The following ZNF12 variants were observed in gnomAD, a reference collection of about 807,000 sequenced individuals.
The protein encoded by ZNF12 is gonadotropin inducible transcription repressor 3.
Under a neutral mutation model 66.6 loss-of-function variants are expected in ZNF12, and 34 were observed. The ratio of observed to expected loss-of-function variants is 0.51; its 90% CI spans 0.39 to 0.68. The LOEUF (loss-of-function observed/expected upper bound fraction) is 0.68. Ranked by LOEUF, ZNF12 falls within the 30% of genes least tolerant of loss-of-function variation. The pLI is 0.00. For missense variants in ZNF12, 697 were observed against 826.9 expected (o/e 0.84, Z 1.93); for synonymous variants, 320 against 278.9 (o/e 1.15, Z -1.47).
In ZNF12 at chr7:6,705,483, C is replaced by G. The variant is rs1780339262; in HGVS notation, c.-50-260G>C. On this transcript the variant is annotated intron_variant, in intron 1 of 4. Transcript: ENST00000405858. This position sits in a 1 kb window ranked among gnomAD's most constrained non-coding sequence, Gnocchi z 4.0. ...ACTGGATCCTACTGAAATAATCTGC[C>G]ATCATTAAATGCAAGATTTAAAAAG... Among the ~76,000 whole-genome samples, 1 of 152,192 alleles carries G rather than the reference C, an allele frequency of 6.6e-6. No homozygotes were observed. Among genetic ancestry groups the G allele is most frequent in the South Asian group, 2.1e-4 (1 of 4,828 alleles).
rs1428897606 is a variant in ZNF12 at position 6,698,809 on chromosome 7, T to C, written c.16-998A>G. The stretch of plus-strand genomic sequence containing the variant: ...CATCTATAAATGTGTATCTTTTGAA[T>C]AAAGTGTCCCATTCACAAGTACTCA... On this transcript the variant is annotated intron_variant, in intron 2 of 4. Coordinates refer to ENST00000405858, the MANE Select transcript of ZNF12 (RefSeq NM_016265.4). The surrounding 1 kb of genome is among the most constrained non-coding windows in gnomAD (Gnocchi z 4.4). Among the ~76,000 whole-genome samples, 1 of 152,238 alleles carries C rather than the reference T, an allele frequency of 6.6e-6. No individual in the cohort carries two copies. The highest frequency in any genetic ancestry group is 2.4e-5 in the African/African-American group (1 of 41,470).
intron 2 of ZNF12, among the ~76,000 whole-genome samples, chr7:6,702,194 T>A (rs1240140673): frequency 6.6e-6 from 1 of 151,868 alleles, no homozygotes; most frequent in East Asian, 1.9e-4. Context: ...CTTCAGAAAC[T>A]GCACGCTCCT....
chr7:6,700,304 T>TACACACACACACAC (rs71539972), intron 2 of ZNF12, among the ~76,000 whole-genome samples: 1,650 of 128,834 alleles, frequency 0.013, 12 homozygotes, highest in Middle Eastern at 0.024. Context: ...AAAAAAAATA[T>TACACACACACACAC]ACACACACAC....
Position 6,690,729 on chromosome 7 carries a change from CA to C in ZNF12, c.*118del. 9.6e-7 allele frequency: 1 copy of C among 1,042,060 alleles called. No homozygotes were observed. The highest frequency in any genetic ancestry group is 2.7e-4 in the Middle Eastern group (1 of 3,752). 64.6% of individuals were successfully genotyped at this position (1,042,060 alleles called of 1,614,324 possible). ...GTCTTCAGATTATGAGTCCAACACA[CA>C]AGGGGATGTCCACACTAACCTGTGT... On this transcript the variant is annotated 3_prime_UTR_variant, in exon 5 of 5. Coordinates refer to ENST00000405858, the MANE Select transcript of ZNF12 (RefSeq NM_016265.4).
In ZNF12 at chr7:6,698,248, C is replaced by G. The variant is rs993536643; in HGVS notation, c.16-437G>C. 7.2e-6 allele frequency among the ~76,000 whole-genome samples: 1 copy of G among 138,830 alleles called. No individual in the cohort carries two copies. 91.1% of individuals were successfully genotyped at this position (138,830 alleles called of 152,430 possible). A position where few individuals can be genotyped will look rare whatever the true frequency, so the allele number is the denominator to read the frequency against. On this transcript the variant is annotated intron_variant, in intron 2 of 4. Transcript: ENST00000405858. The surrounding 1 kb of genome is among the most constrained non-coding windows in gnomAD (Gnocchi z 4.4). ...TTCTCAGTCCCTTTGCTGGCTCCTCCTCTACTCCAAGTCATCCTGAATGTT... is the reference window on the plus strand; with the variant it reads ...TTCTCAGTCCCTTTGCTGGCTCCTCGTCTACTCCAAGTCATCCTGAATGTT...
At position 6,697,314 on chromosome 7, in the gene ZNF12, C is replaced by G. The variant is rs1431255418; in HGVS notation, c.238+25G>C. 6.4e-7 allele frequency: 1 copy of G among 1,564,916 alleles called. No homozygotes were observed. Among genetic ancestry groups the G allele is most frequent in the Non-Finnish European group, 8.7e-7 (1 of 1,146,990 alleles). On this transcript the variant is annotated intron_variant, in intron 4 of 4. Transcript: ENST00000405858. The surrounding 1 kb of genome is among the most constrained non-coding windows in gnomAD (Gnocchi z 6.1). ...GGAAAAACACTCCCAAGTTACCGAT[C>G]TCCTCACTGCCTCCACTAACACACC...
chr7:6,689,304 A>G lies in ZNF12; in HGVS notation c.*1544T>C, dbSNP rs946904763. On this transcript the variant is annotated 3_prime_UTR_variant, in exon 5 of 5. Coordinates refer to ENST00000405858, the MANE Select transcript of ZNF12 (RefSeq NM_016265.4). The stretch of plus-strand genomic sequence containing the variant: ...TTAAACTATAATCCATTGCTGAAAG[A>G]TGGTTACCAGGCACCACATCCAGAC... 2.0e-5 allele frequency: 3 copies of G among 152,216 alleles called. No homozygotes were observed. Among genetic ancestry groups the G allele is most frequent in the Non-Finnish European group, 4.4e-5 (3 of 68,040 alleles). The allele number at this position is 152,216 out of a possible 1,614,324, so 9.4% of individuals were successfully genotyped here.
rs374468802 is a variant in ZNF12 at position 6,692,538 on chromosome 7, T to C, written c.404A>G (p.Tyr135Cys). ...ACATGAGTCACAGAGGCTATTTTTA[T>C]AGGCTATTTTTCTTGAAGGAACAGG... ...TNPVPSRKIAYKNSLCDSCEK... is the reference protein window; with the variant it reads ...TNPVPSRKIACKNSLCDSCEK... The change falls in exon 5 of 5, where the codon TAT (tyrosine) becomes TGT (cysteine). Residue 135 changes from tyrosine to cysteine, a missense_variant. Tyr to Cys is a radical substitution (Grantham distance 194). Coordinates refer to ENST00000405858, the MANE Select transcript of ZNF12 (RefSeq NM_016265.4). The surrounding 1 kb of genome is among the most constrained non-coding windows in gnomAD (Gnocchi z 5.1). 1.2e-6 allele frequency: 2 copies of C among 1,613,678 alleles called. No homozygotes were observed. The highest frequency in any genetic ancestry group is 2.2e-5 in the East Asian group (1 of 44,866).
chr7:6,699,476 G>A (rs536253383), intron 2 of ZNF12, among the ~76,000 whole-genome samples: 1 of 152,326 alleles, frequency 6.6e-6, no homozygotes, highest in Admixed American at 6.5e-5. Flanking sequence ...AAAGAAGTGG[G>A]TCCCACCCCA....
chr7:6,705,717 C>CAAAAAAAAAAAAAAAAAAAA lies in ZNF12; in HGVS notation c.-50-495_-50-494insTTTTTTTTTTTTTTTTTTTT, dbSNP rs71978935. Among the ~76,000 whole-genome samples the CAAAAAAAAAAAAAAAAAAAA allele has an allele frequency of 6.7e-6, 1 of 148,622 alleles. No homozygotes were observed. On this transcript the variant is annotated intron_variant, in intron 1 of 4. Coordinates refer to ENST00000405858, the MANE Select transcript of ZNF12 (RefSeq NM_016265.4). This position sits in a 1 kb window ranked among gnomAD's most constrained non-coding sequence, Gnocchi z 4.0. ...CTGGGCAACAAAGCGAAACTTGTCT[C>CAAAAAAAAAAAAAAAAAAAA]AAAAACAAACAAACAAACAAACAAA...
In ZNF12 at chr7:6,706,428, T is replaced by C. The variant is rs1780358575; in HGVS notation, c.-51+4A>G. 1 of 475,496 alleles carries C rather than the reference T, an allele frequency of 2.1e-6. No homozygotes were observed. The highest frequency in any genetic ancestry group is 2.0e-5 in the African/African-American group (1 of 50,720). 29.5% of individuals were successfully genotyped at this position (475,496 alleles called of 1,614,324 possible). A position where few individuals can be genotyped will look rare whatever the true frequency, so the allele number is the denominator to read the frequency against. On this transcript the variant is annotated splice_donor_region_variant and intron_variant, in intron 1 of 4. Coordinates refer to ENST00000405858, the MANE Select transcript of ZNF12 (RefSeq NM_016265.4). ...CGCCCCGGGCCCGCAAACCCACGAC[T>C]TACCCTCCTGGGGCTCCGCAGCCTC...
Position 6,697,658 on chromosome 7 carries a change from G to C in ZNF12, c.142+27C>G. On this transcript the variant is annotated intron_variant, in intron 3 of 4. Transcript: ENST00000405858. The surrounding 1 kb of genome is among the most constrained non-coding windows in gnomAD (Gnocchi z 6.1). Reference sequence around the variant, plus strand: ...TTTGTGAGAAATCCCATATATTTTAGCAACTGAGAAAGCAAGCTATCCTCA... The same window carrying C: ...TTTGTGAGAAATCCCATATATTTTACCAACTGAGAAAGCAAGCTATCCTCA... 6.2e-7 allele frequency: 1 copy of C among 1,612,878 alleles called. No individual in the cohort carries two copies. The highest frequency in any genetic ancestry group is 8.5e-7 in the Non-Finnish European group (1 of 1,179,500).
chr7:6,705,214 G>C lies in ZNF12; in HGVS notation c.-41C>G, dbSNP rs543222824. 6.2e-7 allele frequency: 1 copy of C among 1,613,052 alleles called. No homozygotes were observed. The highest frequency in any genetic ancestry group is 1.7e-5 in the Admixed American group (1 of 59,930). ...GAAAAATCTGGAGGACTGTGAAAGC[G>C]GAGGCAGATCTGGGGAAGGAAAACC... On this transcript the variant is annotated 5_prime_UTR_variant, in exon 2 of 5. Transcript: ENST00000405858. The surrounding 1 kb of genome is among the most constrained non-coding windows in gnomAD (Gnocchi z 4.0).
In ZNF12 at chr7:6,697,495, A is replaced by G. The variant is rs1780171782; in HGVS notation, c.143-61T>C. ...GCCGGTTGGCTTCAGGGTCTCTGTC[A>G]TACAGGGAAAATTCCATTTGTGTCT... is the stretch of plus-strand genomic sequence containing the variant. On this transcript the variant is annotated intron_variant, in intron 3 of 4. Coordinates refer to ENST00000405858, the MANE Select transcript of ZNF12 (RefSeq NM_016265.4). The surrounding 1 kb of genome is among the most constrained non-coding windows in gnomAD (Gnocchi z 6.1). 22 of 1,548,742 alleles carry G rather than the reference A, an allele frequency of 1.4e-5. No homozygotes were observed. The South Asian group carries it at 2.5e-4, about 18-fold the overall frequency.
chr7:6,691,911 T>C lies in ZNF12; in HGVS notation c.1031A>G (p.Gln344Arg). ...FYQKLHLIQH[Q>R]RTHSGEKPYE... ...GGGCTTCTCTCCTGAGTGAGTTCTCTGATGCTGAATGAGGTGTAACTTCTG... is the reference window on the plus strand; with the variant it reads ...GGGCTTCTCTCCTGAGTGAGTTCTCCGATGCTGAATGAGGTGTAACTTCTG... Residue 344 changes from glutamine (Q) to arginine (R), a missense_variant, in exon 5 of 5, where the codon CAG becomes CGG. By Grantham distance (43) the Gln-to-Arg change is conservative. This residue lies in a region of ZNF12 where 401 missense variants were observed against 519.0 expected (regional missense o/e 0.77). Coordinates refer to ENST00000405858, the MANE Select transcript of ZNF12 (RefSeq NM_016265.4). 2 of 1,614,240 alleles carry C rather than the reference T, an allele frequency of 1.2e-6. No homozygotes were observed. The highest frequency in any genetic ancestry group is 1.3e-5 in the African/African-American group (1 of 75,076).
At chr7:6,693,118 G>A (rs115388156) in intron 4 of ZNF12, among the ~76,000 whole-genome samples, 1 of 152,132 alleles carries the variant, frequency 6.6e-6, no homozygotes, top group Non-Finnish European at 1.5e-5. Flanking sequence ...ATTCAATTAG[G>A]GATTCATTTA....
rs1050791787 is a variant in ZNF12 at position 6,705,092 on chromosome 7, C to T, written c.15+67G>A. ...ACTTTCCCATTTTAAACTTTGAACC[C>T]TTAATCTCCTCCTAAGGTGTATTGT... On this transcript the variant is annotated intron_variant, in intron 2 of 4. Coordinates refer to ENST00000405858, the MANE Select transcript of ZNF12 (RefSeq NM_016265.4). This position sits in a 1 kb window ranked among gnomAD's most constrained non-coding sequence, Gnocchi z 4.0. 1.3e-6 allele frequency: 2 copies of T among 1,566,162 alleles called. No homozygotes were observed. Among genetic ancestry groups the T allele is most frequent in the East Asian group, 2.3e-5 (1 of 44,012 alleles).
intron 2 of ZNF12, among the ~76,000 whole-genome samples, 197 bp downstream of exon 2, chr7:6,704,962 T>G (rs1467881631): frequency 6.6e-6 from 1 of 152,172 alleles, no homozygotes; most frequent in East Asian, 1.9e-4. Flanking sequence ...GTACTCTGAC[T>G]TCAAGAACTC....
At position 6,691,196 on chromosome 7, in the gene ZNF12, A is replaced by G. The variant is rs1780061945; in HGVS notation, c.1746T>C (p.Cys582=). The change falls in exon 5 of 5, where the codon TGT becomes TGC. Residue 582 remains cysteine (C), a synonymous_variant. Coordinates refer to ENST00000405858, the MANE Select transcript of ZNF12 (RefSeq NM_016265.4). ...CTGAATTCTGGCAGAAGGTTTTCCC[A>G]CATTCACTACATTCATAGGGCTTCT... ...SGEKPYECSE[C]GKTFCQNSAL... is the part of the protein sequence containing the mutation. The G allele has an allele frequency of 6.2e-7, 1 of 1,613,992 alleles. No individual in the cohort carries two copies. Among genetic ancestry groups the G allele is most frequent in the Non-Finnish European group, 8.5e-7 (1 of 1,180,002 alleles).
Sources: gnomAD v4.1 joint callset for allele counts (sites outside exome capture counted in the v4.1 genomes callset) on GRCh38, gnomAD v4.1.1 for gene constraint, gnomAD v4.1.1 regional missense constraint, Gnocchi (gnomAD v3.1) non-coding constraint, MANE v1.5 for transcripts, NCBI Gene and HGNC (gene_info 2026-07-23, HGNC 2026-07-21) for gene names.